The following SBK1 variants were observed in gnomAD, a reference collection of about 807,000 sequenced individuals.
SBK1 encodes the protein serine/threonine-protein kinase SBK1.
SBK1 carries 11 observed loss-of-function variants against 24.4 expected under a neutral mutation model. The observed-to-expected ratio is 0.45, with a 90% CI of 0.28 to 0.75. SBK1 has a LOEUF of 0.75. Ranked by LOEUF, SBK1 falls within the 30% of genes least tolerant of loss-of-function variation. The pLI is 0.12. For synonymous variants in SBK1, 308 were observed against 284.4 expected (o/e 1.08, Z -0.83); for missense variants, 467 against 620.5 (o/e 0.75, Z 2.63).
At chr16:28,283,632 G>A (rs879282158) in intron 1 of SBK1, among the ~76,000 whole-genome samples, 6 of 152,122 alleles carry the variant, frequency 3.9e-5, no homozygotes, top group South Asian at 2.1e-4. Flanking sequence ...CCCTACAGTC[G>A]AACAAGTGAA....
intron 1 of SBK1, among the ~76,000 whole-genome samples, chr16:28,293,647 A>G (rs1301611498): frequency 1.3e-5 from 2 of 150,072 alleles, no homozygotes; most frequent in Non-Finnish European, 3.0e-5. Context: ...GAGTGTGAAT[A>G]CCCCTCCCCC....
chr16:28,297,257 G>A (rs751161212), intron 1 of SBK1, among the ~76,000 whole-genome samples: 1 of 152,186 alleles, frequency 6.6e-6, no homozygotes, highest in Non-Finnish European at 1.5e-5. Context: ...GTTGAACCCA[G>A]GTGACAGAGG....
intron 1 of SBK1, among the ~76,000 whole-genome samples, chr16:28,270,089 A>G (rs2044455389): frequency 6.6e-6 from 1 of 152,038 alleles, no homozygotes; most frequent in Non-Finnish European, 1.5e-5. Flanking sequence ...TTTTTGAGAC[A>G]CAGTCTTGTG....
rs2044809238 is a variant in SBK1 at position 28,317,855 on chromosome 16, C to G, written c.226+238C>G. On this transcript the variant is annotated intron_variant, in intron 2 of 3. Coordinates refer to ENST00000341901, the MANE Select transcript of SBK1 (RefSeq NM_001024401.3). The surrounding 1 kb of genome is among the most constrained non-coding windows in gnomAD (Gnocchi z 4.2). ...CAGAGTGGCCAGGGTACAGGATGGG[C>G]TGCTGTGGGGCCATCTGGGGTGACT... 6.6e-6 allele frequency among the ~76,000 whole-genome samples: 1 copy of G among 151,944 alleles called. No individual in the cohort carries two copies. The highest frequency in any genetic ancestry group is 1.5e-5 in the Non-Finnish European group (1 of 67,970).
chr16:28,259,673 C>CAGATAGGA lies in SBK1; in HGVS notation c.257+173_257+174insATAGGAAG, dbSNP rs1208766083. Among the ~76,000 whole-genome samples, 4 of 152,336 alleles carry CAGATAGGA rather than the reference C, an allele frequency of 2.6e-5. No individual in the cohort carries two copies. Among genetic ancestry groups the CAGATAGGA allele is most frequent in the African/African-American group, 7.2e-5 (3 of 41,578 alleles). On this transcript the variant is annotated intron_variant, in intron 1 of 3. Transcript: ENST00000671413. The surrounding 1 kb of genome is among the most constrained non-coding windows in gnomAD (Gnocchi z 6.0). ...CAGATCTCTCACCTGGTTGTTGCCA[C>CAGATAGGA]AGCCTCCTTCCTATCTCCCCCACCC...
chr16:28,306,847 A>C (rs2044719748), intron 1 of SBK1, among the ~76,000 whole-genome samples: 1 of 152,220 alleles, frequency 6.6e-6, no homozygotes, highest in African/African-American at 2.4e-5. Flanking sequence ...GGCTTTCCTG[A>C]ATGTGACCCT....
intron 1 of SBK1, among the ~76,000 whole-genome samples, chr16:28,308,742 T>TGG (rs2044733827): frequency 9.2e-6 from 1 of 108,924 alleles, no homozygotes; most frequent in Non-Finnish European, 1.9e-5. Flanking sequence ...TTCTTTGGGG[T>TGG]GTGTGTGTGT....
At chr16:28,312,568 G>T (rs1289565417) in intron 1 of SBK1, among the ~76,000 whole-genome samples, 1 of 152,212 alleles carries the variant, frequency 6.6e-6, no homozygotes, top group Non-Finnish European at 1.5e-5. Flanking sequence ...GGGCATGTGG[G>T]ACCGGGTTCT....
chr16:28,263,162 G>A (rs1032052071), intron 1 of SBK1, among the ~76,000 whole-genome samples: 3 of 152,178 alleles, frequency 2.0e-5, no homozygotes, highest in Non-Finnish European at 2.9e-5. Context: ...CATAATAGAT[G>A]CCCAATGTTC....
At position 28,308,450 on chromosome 16, in the gene SBK1, CTTTTTTTTTTTTTTTTTTT is replaced by C. The variant is rs59880320; in HGVS notation, c.-7-8919_-7-8901del. On this transcript the variant is annotated intron_variant, in intron 1 of 3. Coordinates refer to ENST00000341901, the MANE Select transcript of SBK1 (RefSeq NM_001024401.3). Reference sequence around the variant, plus strand: ...ACAGGTGTGAGCCACCATGCTTGGGCTTTTTTTTTTTTTTTTTTTTTTTTTTTTTTTTTTGAGACAGGGT... The same window carrying C: ...ACAGGTGTGAGCCACCATGCTTGGGCTTTTTTTTTTTTTTTGAGACAGGGT... Among the ~76,000 whole-genome samples, 103 of 40,016 alleles carry C rather than the reference CTTTTTTTTTTTTTTTTTTT, an allele frequency of 2.6e-3. 9 individuals carry two copies. The East Asian group carries it at 0.078, about 30-fold the overall frequency. 26.3% of individuals were successfully genotyped at this position (40,016 alleles called of 152,430 possible). A position where few individuals can be genotyped will look rare whatever the true frequency, so the allele number is the denominator to read the frequency against.
At chr16:28,273,694 A>G (rs2044480936) in intron 1 of SBK1, among the ~76,000 whole-genome samples, 1 of 152,340 alleles carries the variant, frequency 6.6e-6, no homozygotes, top group South Asian at 2.1e-4. Flanking sequence ...TTGGCCTCCC[A>G]CAGTGCTGGG....
intron 1 of SBK1, among the ~76,000 whole-genome samples, chr16:28,308,215 A>G (rs960781783): frequency 6.6e-6 from 1 of 152,110 alleles, no homozygotes; most frequent in African/African-American, 2.4e-5. Context: ...CAATGGCACA[A>G]TCTCAGCTCA....
rs1567680718 is a variant in SBK1, at chr16:28,317,902, G to A, written c.226+285G>A. 6.6e-6 allele frequency among the ~76,000 whole-genome samples: 1 copy of A among 151,898 alleles called. No homozygotes were observed. The highest frequency in any genetic ancestry group is 2.4e-5 in the African/African-American group (1 of 41,332). ...GACTTTGAGACAGCCAAGGGGCTGT[G>A]CCAGGAGTGTCTGGGGAGGGCAGGG... On this transcript the variant is annotated intron_variant, in intron 2 of 3. Transcript: ENST00000341901. The surrounding 1 kb of genome is among the most constrained non-coding windows in gnomAD (Gnocchi z 4.2).
chr16:28,289,334 A>G (rs1364264118), upstream of SBK1, among the ~76,000 whole-genome samples: 1 of 152,218 alleles, frequency 6.6e-6, no homozygotes, highest in Non-Finnish European at 1.5e-5. Context: ...AAACTCCTCT[A>G]CATTGGCAGG....
Position 28,320,819 on chromosome 16 carries a change from G to T in SBK1, c.1173G>T (p.Glu391Asp). 6.9e-7 allele frequency: 1 copy of T among 1,454,814 alleles called. No individual in the cohort carries two copies. Among genetic ancestry groups the T allele is most frequent in the Non-Finnish European group, 9.1e-7 (1 of 1,103,166 alleles). 90.1% of individuals were successfully genotyped at this position (1,454,814 alleles called of 1,614,324 possible). ...TGCCCGTGCCGGTGCCTGTGCCCGA[G>T]CCCGGCCTAGCTCCCCAGGGGCCCC... is the stretch of plus-strand genomic sequence containing the variant. Reference protein sequence around the residue: ...VPVPVPVPVPEPGLAPQGPPG... With the variant: ...VPVPVPVPVPDPGLAPQGPPG... The change falls in exon 4 of 4, where the codon GAG becomes GAT. Residue 391 changes from glutamate to aspartate, a missense_variant. By Grantham distance (45) the Glu-to-Asp change is conservative. Coordinates refer to ENST00000341901, the MANE Select transcript of SBK1 (RefSeq NM_001024401.3). This position sits in a 1 kb window ranked among gnomAD's most constrained non-coding sequence, Gnocchi z 8.5.
intron 1 of SBK1, among the ~76,000 whole-genome samples, chr16:28,283,319 G>A (rs909444472): frequency 6.6e-6 from 1 of 152,162 alleles, no homozygotes; most frequent in Non-Finnish European, 1.5e-5. Context: ...AAAAGGACTT[G>A]AGTGGGTCAT....
At chr16:28,281,734 A>T (rs2044534291) in intron 1 of SBK1, among the ~76,000 whole-genome samples, 1 of 152,290 alleles carries the variant, frequency 6.6e-6, no homozygotes, top group East Asian at 1.9e-4. Flanking sequence ...TCATTTGTGT[A>T]AAAGGCTTAG....
chr16:28,280,350 A>T (rs201227961), intron 1 of SBK1, among the ~76,000 whole-genome samples: 95 of 139,468 alleles, frequency 6.8e-4, no homozygotes, highest in Non-Finnish European at 9.6e-4. Flanking sequence ...ATATATATAA[A>T]ATATATATAT....
chr16:28,293,260 C>T lies in SBK1; in HGVS notation c.-48C>T. ...CGGGCAGACGAAGACCGCGACGGCGCCCAGGCCCCCTGCCGCGGCGTCCCC... is the reference window on the plus strand; with the variant it reads ...CGGGCAGACGAAGACCGCGACGGCGTCCAGGCCCCCTGCCGCGGCGTCCCC... On this transcript the variant is annotated 5_prime_UTR_variant, in exon 1 of 4. Coordinates refer to ENST00000341901, the MANE Select transcript of SBK1 (RefSeq NM_001024401.3). The T allele has an allele frequency of 3.0e-6, 3 of 985,516 alleles. No homozygotes were observed. The highest frequency in any genetic ancestry group is 3.6e-6 in the Non-Finnish European group (3 of 830,012). The allele number at this position is 985,516 out of a possible 1,614,324, so 61.0% of individuals were successfully genotyped here.
Sources: allele counts gnomAD v4.1 joint callset (sites outside exome capture counted in the v4.1 genomes callset), GRCh38; gene constraint gnomAD v4.1.1; non-coding constraint Gnocchi (gnomAD v3.1); transcripts MANE v1.5; gene names NCBI Gene and HGNC (gene_info 2026-07-23, HGNC 2026-07-21).